Variants in DNAH11 observed in about 807,000 individuals in gnomAD.
DNAH11 encodes dynein axonemal heavy chain 11.
A neutral mutation model predicts 526.0 loss-of-function variants in DNAH11; 442 were observed. That is an observed-to-expected ratio of 0.84 (90% CI 0.78 to 0.91). The LOEUF is 0.91. Among genes scored for constraint, DNAH11 ranks in the 40% least tolerant of loss-of-function variants. The pLI, the probability that DNAH11 is intolerant of heterozygous loss-of-function variation, is 0.00. For missense variants in DNAH11, 6,989 were observed against 5,448.7 expected (o/e 1.28, Z -8.90); for synonymous variants, 2,461 against 1,935.9 (o/e 1.27, Z -7.12).
Position 21,894,603 on chromosome 7 carries a change from C to T in DNAH11, c.12751-20C>T, listed in dbSNP as rs143306801. 6.2e-7 allele frequency: 1 copy of T among 1,610,370 alleles called. No individual in the cohort carries two copies. Among genetic ancestry groups the T allele is most frequent in the Non-Finnish European group, 8.5e-7 (1 of 1,178,762 alleles). On this transcript the variant is annotated intron_variant, in intron 77 of 81. Transcript: ENST00000409508. ...AAACTGAAATAGAAAGGAGCTAAAT[C>T]TTTGTGTTACTGATTTAAGGTTAAG...
chr7:21,806,283 C>A (rs1267757989), intron 62 of DNAH11, among the ~76,000 whole-genome samples: 1 of 152,102 alleles, frequency 6.6e-6, no homozygotes, highest in Non-Finnish European at 1.5e-5. Context: ...TATTGTTTAT[C>A]CTTTACAAAC....
In DNAH11 at chr7:21,729,414, C is replaced by T. The variant is rs1051772248; in HGVS notation, c.7440+3430C>T. Among the ~76,000 whole-genome samples, 6 of 152,132 alleles carry T rather than the reference C, an allele frequency of 3.9e-5. 1 individual carries two copies. Among genetic ancestry groups the T allele is most frequent in the Admixed American group, 1.3e-4 (2 of 15,276 alleles). ...ACACTTTGGTGTTCTCTCCAGAATA[C>T]ACTTTCTCATGTTCTGCGTATGGAC... is the stretch of plus-strand genomic sequence containing the variant. On this transcript the variant is annotated intron_variant, in intron 45 of 81. Transcript: ENST00000409508.
intron 65 of DNAH11, among the ~76,000 whole-genome samples, chr7:21,818,853 A>G (rs143457428): frequency 1.2e-3 from 185 of 152,266 alleles, no homozygotes; most frequent in African/African-American, 4.3e-3. Context: ...CCCTTATGCC[A>G]ACAGTAATGG....
intron 6 of DNAH11, 140 bp from the exon 7 acceptor site, chr7:21,569,929 A>G: frequency 6.1e-6 from 4 of 651,104 alleles, no homozygotes; most frequent in Non-Finnish European, 1.0e-5. Context: ...AATTTCTAGA[A>G]CTTGTGCTTT....
At chr7:21,683,347 C>G (rs1250641726) in intron 31 of DNAH11, among the ~76,000 whole-genome samples, 1 of 152,160 alleles carries the variant, frequency 6.6e-6, no homozygotes, top group Middle Eastern at 3.2e-3. Flanking sequence ...CAGAAAATCT[C>G]TGTACTAAAA....
rs55801704 is a variant in DNAH11 at position 21,868,104 on chromosome 7, CTT to C, written c.11839+112_11839+113del. 3,452 of 692,770 alleles carry C rather than the reference CTT, an allele frequency of 5.0e-3. 7 individuals carry two copies. The highest frequency in any genetic ancestry group is 0.026 in the African/African-American group (1,242 of 46,966). 42.9% of individuals were successfully genotyped at this position (692,770 alleles called of 1,614,324 possible). A position where few individuals can be genotyped will look rare whatever the true frequency, so the allele number is the denominator to read the frequency against. On this transcript the variant is annotated intron_variant, in intron 72 of 81. Transcript: ENST00000409508. ...TTTCAGTTCACAGTGATCTTAGTTT[CTT>C]TTTTTTTTTTTTTTAATTTGTTGAA...
intron 28 of DNAH11, among the ~76,000 whole-genome samples, chr7:21,641,286 A>C (rs1787118138): frequency 6.6e-6 from 1 of 152,180 alleles, no homozygotes; most frequent in Non-Finnish European, 1.5e-5. Context: ...TTACCCAAAA[A>C]AGGCGGGGGA....
At chr7:21,609,668 A>C (rs1785438409) in intron 20 of DNAH11, among the ~76,000 whole-genome samples, 1 of 152,396 alleles carries the variant, frequency 6.6e-6, no homozygotes, top group Non-Finnish European at 1.5e-5. Flanking sequence ...CAGATGCTGA[A>C]TACATATTCA....
At chr7:21,579,625 ATAGT>A (rs1784234315) in intron 8 of DNAH11, among the ~76,000 whole-genome samples, 2 of 152,170 alleles carry the variant, frequency 1.3e-5, no homozygotes, top group African/African-American at 4.8e-5. Context: ...AGATGGCAGA[ATAGT>A]TAGGAGCAGT....
intron 42 of DNAH11, among the ~76,000 whole-genome samples, chr7:21,712,612 G>C (rs189185923): frequency 6.6e-6 from 1 of 152,142 alleles, no homozygotes; most frequent in Non-Finnish European, 1.5e-5. Context: ...GCATTTCCCT[G>C]ATGATCAGTG....
chr7:21,901,055 AGGAGCTGGCATGCC>A lies in DNAH11; in HGVS notation c.13353_13366del (p.Lys4451AsnfsTer27). The A allele has an allele frequency of 6.2e-7, 1 of 1,613,392 alleles. No individual in the cohort carries two copies. ...GGAACCATTGTTGAAGCCCGTCTCA[AGGAGCTGGCATGCC>A]CTATGCCGGTCATCTTTGCAAAAGC... On this transcript the variant is annotated frameshift_variant, in exon 82 of 82. Coordinates refer to ENST00000409508, the MANE Select transcript of DNAH11 (RefSeq NM_001277115.2). LOFTEE classifies it high-confidence loss of function.
Position 21,705,444 on chromosome 7 carries a change from G to T in DNAH11, c.6469-16G>T. The T allele has an allele frequency of 1.2e-6, 2 of 1,613,248 alleles. No individual in the cohort carries two copies. The highest frequency in any genetic ancestry group is 1.7e-6 in the Non-Finnish European group (2 of 1,179,514). ...ACTCCTTAAAGGAAACCAGCAACCAGCTGTTTGCTCTGCAGGTTGTCCAGC... is the reference window on the plus strand; with the variant it reads ...ACTCCTTAAAGGAAACCAGCAACCATCTGTTTGCTCTGCAGGTTGTCCAGC... On this transcript the variant is annotated splice_polypyrimidine_tract_variant and intron_variant, in intron 38 of 81. Coordinates refer to ENST00000409508, the MANE Select transcript of DNAH11 (RefSeq NM_001277115.2).
chr7:21,683,982 A>C (rs562101896), intron 32 of DNAH11, 38 bp downstream of exon 32: 7 of 1,607,324 alleles, frequency 4.4e-6, no homozygotes, highest in Non-Finnish European at 5.9e-6. Flanking sequence ...AGGAAAAACA[A>C]CCCAAAAAAG....
chr7:21,856,926 A>G (rs907206150), intron 68 of DNAH11, among the ~76,000 whole-genome samples: 1 of 152,208 alleles, frequency 6.6e-6, no homozygotes, highest in Non-Finnish European at 1.5e-5. Flanking sequence ...GGAACAAGAC[A>G]AGGATATCTT....
At chr7:21,579,907 T>C (rs1000692564) in intron 8 of DNAH11, among the ~76,000 whole-genome samples, 1 of 152,152 alleles carries the variant, frequency 6.6e-6, no homozygotes, top group South Asian at 2.1e-4. Flanking sequence ...ACCAAGGGCA[T>C]CCTGGAGATG....
At chr7:21,612,291 C>G (rs1246415543) in intron 20 of DNAH11, among the ~76,000 whole-genome samples, 2 of 152,020 alleles carry the variant, frequency 1.3e-5, no homozygotes, top group Non-Finnish European at 2.9e-5. Context: ...CATGGTGGCT[C>G]ACGCCTGTAA....
At chr7:21,725,430 G>C (rs1480048559) in intron 44 of DNAH11, among the ~76,000 whole-genome samples, 1 of 152,168 alleles carries the variant, frequency 6.6e-6, no homozygotes, top group Non-Finnish European at 1.5e-5. Flanking sequence ...GGCCAGAGAA[G>C]CTATAAGCTC....
intron 66 of DNAH11, chr7:21,851,605 G>C (rs761987280): frequency 2.1e-6 from 1 of 471,358 alleles, no homozygotes; most frequent in Admixed American, 2.3e-5. Context: ...GATTTTATCT[G>C]ACCTTCACTG....
chr7:21,718,160 T>G lies in DNAH11; in HGVS notation c.7134+235T>G, dbSNP rs549239431. Among the ~76,000 whole-genome samples the G allele has an allele frequency of 3.3e-5, 5 of 151,314 alleles. No homozygotes were observed. In the South Asian group the frequency reaches 1.0e-3, roughly 32 times the overall value. ...TGCTCTCCTTCTTTTCACAATCTTGTGAAAGAAGGTTAGAACCATGTTTTA... is the reference window on the plus strand; with the variant it reads ...TGCTCTCCTTCTTTTCACAATCTTGGGAAAGAAGGTTAGAACCATGTTTTA... On this transcript the variant is annotated intron_variant, in intron 43 of 81. Transcript: ENST00000409508.
Sources: gnomAD v4.1 joint callset for allele counts (sites outside exome capture counted in the v4.1 genomes callset) on GRCh38, gnomAD v4.1.1 for gene constraint, MANE v1.5 for transcripts, NCBI Gene and HGNC (gene_info 2026-07-23, HGNC 2026-07-21) for gene names.